Variants in CEP112 observed in about 807,000 individuals in gnomAD.
CEP112 encodes the protein centrosomal protein of 112 kDa.
In CEP112, 127 loss-of-function variants were observed where a neutral mutation model predicts 153.0. The observed-to-expected ratio is 0.83, with a 90% CI of 0.72 to 0.96. The LOEUF (loss-of-function observed/expected upper bound fraction) is 0.96, where lower values mean the gene tolerates loss of function less well. Ranked by LOEUF, CEP112 falls within the 40% of genes least tolerant of loss-of-function variation. CEP112 has a pLI of 0.00. For missense variants in CEP112, 1,089 were observed against 1,101.2 expected (o/e 0.99, Z 0.16); for synonymous variants, 358 against 374.4 (o/e 0.96, Z 0.51).
At chr17:65,950,534 C>A (rs923025351) in intron 18 of CEP112, among the ~76,000 whole-genome samples, 2 of 152,026 alleles carry the variant, frequency 1.3e-5, no homozygotes, top group African/African-American at 4.8e-5. Flanking sequence ...AAATATTTCA[C>A]TGCTAGTATA....
At chr17:66,022,993 T>C (rs1411467049) in intron 16 of CEP112, among the ~76,000 whole-genome samples, 1 of 151,952 alleles carries the variant, frequency 6.6e-6, no homozygotes, top group Non-Finnish European at 1.5e-5. Context: ...ACTTTTGAAT[T>C]AATCCAGTTA....
intron 6 of CEP112, among the ~76,000 whole-genome samples, chr17:66,116,193 C>T (rs1343746965): frequency 6.6e-6 from 1 of 152,096 alleles, no homozygotes; most frequent in Non-Finnish European, 1.5e-5. Flanking sequence ...TTTTATATAC[C>T]AGCAGATACA....
At chr17:65,775,891 C>T (rs986254951) in intron 21 of CEP112, among the ~76,000 whole-genome samples, 2 of 152,206 alleles carry the variant, frequency 1.3e-5, no homozygotes, top group African/African-American at 4.8e-5. Flanking sequence ...CTGATTCTTC[C>T]GTAGCCACAG....
chr17:66,024,317 A>G (rs2065114095), intron 16 of CEP112, among the ~76,000 whole-genome samples: 1 of 152,290 alleles, frequency 6.6e-6, no homozygotes, highest in South Asian at 2.1e-4. Context: ...AGTCTTAGCC[A>G]GAGCAATCAA....
intron 24 of CEP112, among the ~76,000 whole-genome samples, chr17:65,683,555 C>T (rs1004724648): frequency 1.3e-5 from 2 of 152,208 alleles, no homozygotes; most frequent in South Asian, 2.1e-4. Context: ...CCCGGCTCCC[C>T]GGAGGGCTGC....
At chr17:66,108,210 T>A (rs1373667663) in intron 6 of CEP112, among the ~76,000 whole-genome samples, 1 of 152,036 alleles carries the variant, frequency 6.6e-6, no homozygotes, top group South Asian at 2.1e-4. Flanking sequence ...AAGAAAACAC[T>A]GGGGAAACTC....
At chr17:65,970,372 A>ACACATCATGCATGTAAATTACATGCG (rs2062650603) in intron 17 of CEP112, among the ~76,000 whole-genome samples, 1 of 70,438 alleles carries the variant, frequency 1.4e-5, no homozygotes, top group African/African-American at 4.0e-5. Context: ...TATTACATGC[A>ACACATCATGCATGTAAATTACATGCG]CACATCATGC....
chr17:65,927,155 C>T (rs1379931788), intron 19 of CEP112, among the ~76,000 whole-genome samples: 1 of 152,156 alleles, frequency 6.6e-6, no homozygotes, highest in African/African-American at 2.4e-5. Flanking sequence ...TTCTCTCTCT[C>T]TCTCTCTCAC....
intron 4 of CEP112, among the ~76,000 whole-genome samples, chr17:66,141,223 T>C (rs1411118048): frequency 6.6e-6 from 1 of 151,942 alleles, no homozygotes; most frequent in Non-Finnish European, 1.5e-5. Flanking sequence ...TTCTGTAATA[T>C]TTAATCTGCT....
intron 21 of CEP112, among the ~76,000 whole-genome samples, chr17:65,756,371 AC>A (rs2052270690): frequency 7.4e-6 from 1 of 135,306 alleles, no homozygotes; most frequent in African/African-American, 2.8e-5. Context: ...GTGCCATTGC[AC>A]TCCAGCCTGT....
chr17:65,657,363 G>A (rs560359574), intron 24 of CEP112, among the ~76,000 whole-genome samples: 4 of 152,230 alleles, frequency 2.6e-5, no homozygotes, highest in Admixed American at 2.6e-4. Flanking sequence ...AGAAGAGCTG[G>A]TACAGGTCCT....
intron 21 of CEP112, among the ~76,000 whole-genome samples, chr17:65,790,927 G>A (rs1187807849): frequency 6.6e-6 from 1 of 152,128 alleles, no homozygotes; most frequent in Non-Finnish European, 1.5e-5. Context: ...CGTTGGGGAT[G>A]TACCTGACAT....
intron 19 of CEP112, among the ~76,000 whole-genome samples, chr17:65,922,858 C>A (rs2060784025): frequency 1.3e-5 from 2 of 152,146 alleles, no homozygotes; most frequent in African/African-American, 4.8e-5. Context: ...CATTGCCCTT[C>A]CTTAATATTT....
At chr17:65,994,027 A>G (rs2063692138) in intron 17 of CEP112, among the ~76,000 whole-genome samples, 1 of 152,120 alleles carries the variant, frequency 6.6e-6, no homozygotes, top group Admixed American at 6.5e-5. Flanking sequence ...GGAAAAAAAA[A>G]AAAAACTGCA....
At chr17:65,878,352 C>T (rs1292321834) in intron 20 of CEP112, among the ~76,000 whole-genome samples, 3 of 152,058 alleles carry the variant, frequency 2.0e-5, no homozygotes, top group Non-Finnish European at 2.9e-5. Flanking sequence ...GTCAATTATA[C>T]CCCCAATGAA....
At chr17:65,672,453 C>G (rs1019970983) in intron 24 of CEP112, among the ~76,000 whole-genome samples, 3 of 152,252 alleles carry the variant, frequency 2.0e-5, no homozygotes, top group Non-Finnish European at 4.4e-5. Context: ...ATAACTAAGA[C>G]AATTTAGTTT....
At chr17:65,987,390 G>A (rs1030987357) in intron 17 of CEP112, among the ~76,000 whole-genome samples, 1 of 151,606 alleles carries the variant, frequency 6.6e-6, no homozygotes, top group Non-Finnish European at 1.5e-5. Context: ...GAAAATATGA[G>A]AAAGAAACTA....
chr17:65,743,653 G>C (rs1006227124), intron 22 of CEP112, among the ~76,000 whole-genome samples: 8 of 152,150 alleles, frequency 5.3e-5, no homozygotes, highest in African/African-American at 1.9e-4. Flanking sequence ...ATTCTATACA[G>C]TAATTTTTGG....
At position 66,027,507 on chromosome 17, in the gene CEP112, T is replaced by G. The variant is rs180913851; in HGVS notation, c.1650A>C (p.Glu550Asp). 7.5e-7 allele frequency: 1 copy of G among 1,336,712 alleles called. No individual in the cohort carries two copies. The highest frequency in any genetic ancestry group is 1.5e-5 in the African/African-American group (1 of 65,890). The allele number at this position is 1,336,712 out of a possible 1,614,324, so 82.8% of individuals were successfully genotyped here. A position where few individuals can be genotyped will look rare whatever the true frequency, so the allele number is the denominator to read the frequency against. ...MEKSHLKHIY[E>D]KKAHDLQSEL... ...CTTCCATAAAACATATTACCTTTTT[T>G]TCATAGATGTGTTTTAAATGACTTT... The change falls in exon 16 of 27, where the codon GAA (glutamate) becomes GAC (aspartate). Residue 550 changes from glutamate (E) to aspartate (D), a missense_variant. Coordinates refer to ENST00000535342, the MANE Select transcript of CEP112 (RefSeq NM_001199165.4).
Sources: gnomAD v4.1 joint callset for allele counts (sites outside exome capture counted in the v4.1 genomes callset) on GRCh38, gnomAD v4.1.1 for gene constraint, MANE v1.5 for transcripts, NCBI Gene and HGNC (gene_info 2026-07-23, HGNC 2026-07-21) for gene names.